The following KNDC1 variants were observed in gnomAD, a reference collection of about 807,000 sequenced individuals.
KNDC1 encodes the protein kinase non-catalytic C-lobe domain-containing protein 1.
In KNDC1, 106 loss-of-function variants were observed where a neutral mutation model predicts 172.8. The observed-to-expected ratio is 0.61, with a 90% CI of 0.52 to 0.72. KNDC1 has a LOEUF of 0.72. Among genes scored for constraint, KNDC1 ranks in the 30% least tolerant of loss-of-function variants. KNDC1 has a pLI of 0.00. For synonymous variants in KNDC1, 1,083 were observed against 1,062.2 expected, an observed-to-expected ratio of 1.02 and a Z score of -0.38; for missense variants, 2,325 against 2,394.5, an observed-to-expected ratio of 0.97 and a Z score of 0.61.
In KNDC1 at chr10:133,224,648, C is replaced by T; in HGVS notation, c.5019-11C>T. 1.2e-6 allele frequency: 2 copies of T among 1,611,756 alleles called. No homozygotes were observed. The highest frequency in any genetic ancestry group is 1.7e-6 in the Non-Finnish European group (2 of 1,178,080). ...TGTGCAAACTAACGTCTCTTCTTTC[C>T]TCAACGGAAGGAACATCGCAAAGGT... On this transcript the variant is annotated splice_polypyrimidine_tract_variant and intron_variant, in intron 29 of 29. Coordinates refer to ENST00000304613, the MANE Select transcript of KNDC1 (RefSeq NM_152643.8). This position sits in a 1 kb window ranked among gnomAD's most constrained non-coding sequence, Gnocchi z 5.4.
At chr10:133,183,053 AGTGAG>A (rs1176828307) in intron 3 of KNDC1, among the ~76,000 whole-genome samples, 2 of 144,006 alleles carry the variant, frequency 1.4e-5, no homozygotes, top group Non-Finnish European at 3.1e-5. Flanking sequence ...CGTGGGTACA[AGTGAG>A]GAGGGTGTGG....
chr10:133,197,229 C>T lies in KNDC1; in HGVS notation c.1812+94C>T, dbSNP rs1854218635. 9 of 959,918 alleles carry T rather than the reference C, an allele frequency of 9.4e-6. No individual in the cohort carries two copies. In the Admixed American group the frequency reaches 1.6e-4, roughly 17 times the overall value. The allele number at this position is 959,918 out of a possible 1,614,324, so 59.5% of individuals were successfully genotyped here. A position where few individuals can be genotyped will look rare whatever the true frequency, so the allele number is the denominator to read the frequency against. On this transcript the variant is annotated intron_variant, in intron 11 of 29. Transcript: ENST00000304613. ...CCCTTGCCTGGCCGCTCCCGGCAGC[C>T]CCACACCCCGGTCTCTGTTGACCAC...
chr10:133,216,438 G>C (rs1242406451), intron 26 of KNDC1, among the ~76,000 whole-genome samples: 2 of 152,210 alleles, frequency 1.3e-5, no homozygotes, highest in Non-Finnish European at 2.9e-5. Flanking sequence ...AGCCCTTTGG[G>C]AGGCCGAGGA....
rs1845318034 is a variant in KNDC1, at chr10:133,209,790, G to A, written c.3795-821G>A. ...CGGACCCCAGGTGAGTGGGTGACCA[G>A]GCCCCTTGTTCCAGGGCCACGCCAT... On this transcript the variant is annotated intron_variant, in intron 20 of 29. Transcript: ENST00000304613. The surrounding 1 kb of genome is among the most constrained non-coding windows in gnomAD (Gnocchi z 4.9). Among the ~76,000 whole-genome samples the A allele has an allele frequency of 6.6e-6, 1 of 152,024 alleles. No individual in the cohort carries two copies. Among genetic ancestry groups the A allele is most frequent in the Non-Finnish European group, 1.5e-5 (1 of 67,984 alleles).
chr10:133,215,084 C>G (rs1564899817), intron 26 of KNDC1, among the ~76,000 whole-genome samples: 1 of 152,244 alleles, frequency 6.6e-6, no homozygotes, highest in Non-Finnish European at 1.5e-5. Flanking sequence ...CCAGGTCCCG[C>G]TCCAAGTAAG....
At position 133,218,959 on chromosome 10, in the gene KNDC1, T is replaced by A; in HGVS notation, c.4800+6T>A. On this transcript the variant is annotated splice_donor_region_variant and intron_variant, in intron 27 of 29. Coordinates refer to ENST00000304613, the MANE Select transcript of KNDC1 (RefSeq NM_152643.8). ...TGGCCGTGAGGCAGTCCCCTGTGCG[T>A]CCCCCTCGGGCCCCAAGGCGGGGGT... 6.2e-7 allele frequency: 1 copy of A among 1,613,544 alleles called. No homozygotes were observed. The highest frequency in any genetic ancestry group is 8.5e-7 in the Non-Finnish European group (1 of 1,179,820).
At chr10:133,165,322 G>A (rs1000268903) in intron 1 of KNDC1, among the ~76,000 whole-genome samples, 8 of 152,240 alleles carry the variant, frequency 5.3e-5, no homozygotes, top group Non-Finnish European at 1.2e-4. Flanking sequence ...CTCCCCTCCA[G>A]GTCTGAGCAG....
Position 133,195,795 on chromosome 10 carries a change from C to A in KNDC1, c.1708C>A (p.Arg570=), listed in dbSNP as rs937535885. 2 of 1,577,516 alleles carry A rather than the reference C, an allele frequency of 1.3e-6. No individual in the cohort carries two copies. Among genetic ancestry groups the A allele is most frequent in the Non-Finnish European group, 8.6e-7 (1 of 1,162,490 alleles). The change falls in exon 10 of 30, where the codon CGG becomes AGG. Residue 570 remains arginine (R), a synonymous_variant. Coordinates refer to ENST00000304613, the MANE Select transcript of KNDC1 (RefSeq NM_152643.8). ...CATGGCCAGGCGCAGTGCCCCGGAG[C>A]GGCCGTCCGCGGCTGAGGCCATCAA... ...LDMARRSAPE[R]PSAAEAIKVC...
chr10:133,177,016 C>A (rs1853554852), intron 3 of KNDC1, among the ~76,000 whole-genome samples: 1 of 152,250 alleles, frequency 6.6e-6, no homozygotes, highest in African/African-American at 2.4e-5. Context: ...CCCTGCTGCC[C>A]TGCATGGCAG....
At chr10:133,196,633 C>T (rs923150591) in intron 10 of KNDC1, among the ~76,000 whole-genome samples, 4 of 152,190 alleles carry the variant, frequency 2.6e-5, no homozygotes, top group African/African-American at 7.2e-5. Flanking sequence ...GTCTGCCAAG[C>T]AGTGAAAGCA....
rs895320587 is a variant in KNDC1 at position 133,221,008 on chromosome 10, T to C, written c.5018+896T>C. Among the ~76,000 whole-genome samples the C allele has an allele frequency of 9.2e-5, 14 of 152,124 alleles. No individual in the cohort carries two copies. The East Asian group carries it at 2.1e-3, about 23-fold the overall frequency. On this transcript the variant is annotated intron_variant, in intron 29 of 29. Transcript: ENST00000304613. ...CCAAGATAACCTCCAGCCACCTCCTTCTCTGCAAATCTGGAGCATTTCCTG... is the reference window on the plus strand; with the variant it reads ...CCAAGATAACCTCCAGCCACCTCCTCCTCTGCAAATCTGGAGCATTTCCTG...
At chr10:133,168,449 G>T in intron 3 of KNDC1, 137 bp downstream of exon 3, 1 of 854,306 alleles carries the variant, frequency 1.2e-6, no homozygotes. Flanking sequence ...GCTGCTGCCC[G>T]GTTCACTGGG....
At chr10:133,194,512 T>C (rs1854135751) in intron 9 of KNDC1, among the ~76,000 whole-genome samples, 1 of 152,226 alleles carries the variant, frequency 6.6e-6, no homozygotes, top group Admixed American at 6.5e-5. Flanking sequence ...ATTAAAACTA[T>C]GTACAATTAT....
At chr10:133,203,924 T>C (rs1320891900) in intron 17 of KNDC1, among the ~76,000 whole-genome samples, 2 of 152,244 alleles carry the variant, frequency 1.3e-5, no homozygotes, top group East Asian at 3.9e-4. Context: ...GAGAGGAGTC[T>C]GCGTGAGCTG....
At chr10:133,213,502 C>A in intron 24 of KNDC1, 143 bp from the exon 25 acceptor site, 3 of 674,582 alleles carry the variant, frequency 4.4e-6, no homozygotes, top group Non-Finnish European at 2.6e-6. Flanking sequence ...TGCAGCCGAC[C>A]CCTGTGGACT....
Position 133,160,457 on chromosome 10 carries a change from G to T in KNDC1, c.-11G>T, listed in dbSNP as rs1480928838. On this transcript the variant is annotated 5_prime_UTR_variant, in exon 1 of 30. Coordinates refer to ENST00000304613, the MANE Select transcript of KNDC1 (RefSeq NM_152643.8). ...GGAGGCCCCGGGGGCGGTGCGCGGC[G>T]CGGCCGCAGGATGCAGGCCATGGAC... 1 of 1,506,406 alleles carries T rather than the reference G, an allele frequency of 6.6e-7. No homozygotes were observed. Among genetic ancestry groups the T allele is most frequent in the Admixed American group, 2.1e-5 (1 of 47,996 alleles). 93.3% of individuals were successfully genotyped at this position (1,506,406 alleles called of 1,614,324 possible).
chr10:133,183,248 C>G, intron 3 of KNDC1, 96 bp from the exon 4 acceptor site: 2 of 1,387,628 alleles, frequency 1.4e-6, no homozygotes, highest in South Asian at 2.9e-5. Context: ...TCTCACGATT[C>G]CTGAAACTTG....
rs1853985879 is a variant in KNDC1 at position 133,188,580 on chromosome 10, C to G, written c.1368C>G (p.Pro456=). Residue 456 remains proline (P), a synonymous_variant, in exon 7 of 30, where the codon CCC becomes CCG. Transcript: ENST00000304613. ...LQDLLSQLGR[P]FREYELWALC... ...ACCTCCTGTCCCAGCTGGGCCGGCC[C>G]TTCCGGGAGTACGAGCTGTGGGCCC... 4 of 1,591,652 alleles carry G rather than the reference C, an allele frequency of 2.5e-6. No homozygotes were observed. Among genetic ancestry groups the G allele is most frequent in the South Asian group, 2.3e-5 (2 of 87,662 alleles).
In KNDC1 at chr10:133,195,757, C is replaced by A. The variant is rs1475922066; in HGVS notation, c.1670C>A (p.Thr557Asn). The A allele has an allele frequency of 2.5e-6, 4 of 1,609,650 alleles. No individual in the cohort carries two copies. The African/African-American group carries it at 4.0e-5, about 16-fold the overall frequency. The change falls in exon 10 of 30, where the codon ACC becomes AAC. Residue 557 changes from threonine to asparagine, a missense_variant. Transcript: ENST00000304613. Reference protein sequence around the residue: ...HKLALPRRLKTLLLDMARRSA... With the variant: ...HKLALPRRLKNLLLDMARRSA... ...CTGGCCCTGCCACGCAGGCTCAAGA[C>A]CCTCCTCCTGGACATGGCCAGGCGC...
Sources: gnomAD v4.1 joint callset for allele counts (sites outside exome capture counted in the v4.1 genomes callset) on GRCh38, gnomAD v4.1.1 for gene constraint, Gnocchi (gnomAD v3.1) non-coding constraint, MANE v1.5 for transcripts, NCBI Gene and HGNC (gene_info 2026-07-23, HGNC 2026-07-21) for gene names.